KIAA1958: variants seen among roughly 807,000 people sequenced by gnomAD.
The protein encoded by KIAA1958 is KIAA1958.
Under a neutral mutation model 47.2 loss-of-function variants are expected in KIAA1958, and 14 were observed. The observed-to-expected ratio is 0.30, with a 90% CI of 0.20 to 0.46. The LOEUF (loss-of-function observed/expected upper bound fraction) is 0.46, where lower values mean the gene tolerates loss of function less well. Among genes scored for constraint, KIAA1958 ranks in the 20% least tolerant of loss-of-function variants. KIAA1958 has a pLI of 1.00. For missense variants in KIAA1958, 803 were observed against 909.2 expected, an observed-to-expected ratio of 0.88 and a Z score of 1.50; for synonymous variants, 354 against 353.3, an observed-to-expected ratio of 1.00 and a Z score of -0.02.
In KIAA1958 at chr9:112,665,420, C is replaced by T. The variant is rs1837340317; in HGVS notation, c.*5351C>T. ...CCATTTTACTTATTGAGAATCTAGG[C>T]TCAGAGGAGTTAAAATTCTGAAAAT... On this transcript the variant is annotated 3_prime_UTR_variant, in exon 4 of 4. Transcript: ENST00000337530. 6.6e-6 allele frequency: 1 copy of T among 152,146 alleles called. No individual in the cohort carries two copies. The highest frequency in any genetic ancestry group is 2.4e-5 in the African/African-American group (1 of 41,432). The allele number at this position is 152,146 out of a possible 1,614,324, so 9.4% of individuals were successfully genotyped here. A position where few individuals can be genotyped will look rare whatever the true frequency, so the allele number is the denominator to read the frequency against.
chr9:112,528,649 A>G (rs1319420846), intron 1 of KIAA1958, among the ~76,000 whole-genome samples: 1 of 152,080 alleles, frequency 6.6e-6, no homozygotes, highest in East Asian at 1.9e-4. Flanking sequence ...CAGCCTCCCA[A>G]GTAGCTGGGA....
intron 2 of KIAA1958, among the ~76,000 whole-genome samples, chr9:112,577,533 T>C (rs759990437): frequency 1.7e-3 from 214 of 129,202 alleles, no homozygotes; most frequent in East Asian, 0.011. Context: ...CCTGCCCCCC[T>C]TTTTTTTTTT....
intron 2 of KIAA1958, among the ~76,000 whole-genome samples, chr9:112,607,380 T>C (rs947607921): frequency 1.3e-5 from 2 of 150,928 alleles, no homozygotes; most frequent in African/African-American, 4.9e-5. Flanking sequence ...AGATTTCAGA[T>C]GGAAGTGAGA....
At chr9:112,560,730 G>C (rs1240957964) in intron 1 of KIAA1958, among the ~76,000 whole-genome samples, 1 of 152,148 alleles carries the variant, frequency 6.6e-6, no homozygotes, top group South Asian at 2.1e-4. Flanking sequence ...GAAGTGGTTA[G>C]GGTAAGAATT....
At position 112,574,230 on chromosome 9, in the gene KIAA1958, T is replaced by C. The variant is rs1835591478; in HGVS notation, c.150T>C (p.Cys50=). 6.2e-7 allele frequency: 1 copy of C among 1,614,042 alleles called. No homozygotes were observed. Among genetic ancestry groups the C allele is most frequent in the African/African-American group, 1.3e-5 (1 of 74,932 alleles). ...SHGNLTAMWG[C]SAGHAYHWPL... Reference sequence around the variant, plus strand: ...GGAACCTGACAGCAATGTGGGGCTGTAGTGCTGGCCATGCTTATCACTGGC... The same window carrying C: ...GGAACCTGACAGCAATGTGGGGCTGCAGTGCTGGCCATGCTTATCACTGGC... The change falls in exon 2 of 4, where the codon TGT becomes TGC. Residue 50 remains cysteine (C), a synonymous_variant. Transcript: ENST00000337530.
At chr9:112,591,850 A>G (rs1234301260) in intron 2 of KIAA1958, among the ~76,000 whole-genome samples, 2 of 151,960 alleles carry the variant, frequency 1.3e-5, no homozygotes, top group Non-Finnish European at 2.9e-5. Context: ...GCACTCGAAT[A>G]TAAAATTTTC....
intron 2 of KIAA1958, chr9:112,617,931 C>T (rs1303132336): frequency 1.3e-6 from 2 of 1,550,524 alleles, no homozygotes. Context: ...ATCCGGAGCA[C>T]GCAGACCGCG....
At chr9:112,579,570 G>C (rs1325870050) in intron 2 of KIAA1958, among the ~76,000 whole-genome samples, 1 of 151,662 alleles carries the variant, frequency 6.6e-6, no homozygotes, top group African/African-American at 2.4e-5. Flanking sequence ...TCTCTTTCTT[G>C]TTTTCAGTTC....
intron 1 of KIAA1958, among the ~76,000 whole-genome samples, chr9:112,505,919 G>A (rs764455126): frequency 6.6e-6 from 1 of 152,126 alleles, no homozygotes; most frequent in Non-Finnish European, 1.5e-5. Flanking sequence ...CAGTGAGGGG[G>A]GATCAAACAG....
chr9:112,549,786 G>T (rs1835109426), intron 1 of KIAA1958, among the ~76,000 whole-genome samples: 1 of 152,164 alleles, frequency 6.6e-6, no homozygotes, highest in Non-Finnish European at 1.5e-5. Flanking sequence ...GACATTTTTG[G>T]TTGTCACGAC....
At chr9:112,631,851 T>G (rs908160000) in intron 2 of KIAA1958, among the ~76,000 whole-genome samples, 1 of 152,200 alleles carries the variant, frequency 6.6e-6, no homozygotes, top group Admixed American at 6.5e-5. Flanking sequence ...ATTTTTCCAT[T>G]GCACAGATGT....
chr9:112,557,636 C>A (rs1275274117), intron 1 of KIAA1958, among the ~76,000 whole-genome samples: 2 of 152,098 alleles, frequency 1.3e-5, no homozygotes, highest in African/African-American at 4.8e-5. Flanking sequence ...AATGCCAGGA[C>A]CACTGATGAA....
At position 112,660,098 on chromosome 9, in the gene KIAA1958, G is replaced by C. The variant is rs746868032; in HGVS notation, c.*29G>C. ...CCCACTGGGGCCCGGCCACTGCCCT[G>C]TCACCTGCTCGGGCCAGCCAGGGTT... is the stretch of plus-strand genomic sequence containing the variant. On this transcript the variant is annotated 3_prime_UTR_variant, in exon 4 of 4. Coordinates refer to ENST00000337530, the MANE Select transcript of KIAA1958 (RefSeq NM_133465.4). 8 of 1,594,856 alleles carry C rather than the reference G, an allele frequency of 5.0e-6. No homozygotes were observed. The highest frequency in any genetic ancestry group is 6.8e-6 in the Non-Finnish European group (8 of 1,168,840).
chr9:112,571,601 T>C lies in KIAA1958; in HGVS notation c.-24-2456T>C, dbSNP rs2075591072. ...GTGAGGAGTAAGAGAGAATGGACAC[T>C]GGGTAGGCAAAATAGCAGTCTCTGC... On this transcript the variant is annotated intron_variant, in intron 1 of 3. Coordinates refer to ENST00000337530, the MANE Select transcript of KIAA1958 (RefSeq NM_133465.4). Among the ~76,000 whole-genome samples, 3 of 152,084 alleles carry C rather than the reference T, an allele frequency of 2.0e-5. No individual in the cohort carries two copies. In the South Asian group the frequency reaches 6.2e-4, roughly 32 times the overall value.
At chr9:112,645,145 A>G (rs1836955159) in intron 2 of KIAA1958, among the ~76,000 whole-genome samples, 1 of 152,186 alleles carries the variant, frequency 6.6e-6, no homozygotes, top group Admixed American at 6.5e-5. Context: ...CAAAAAAAAA[A>G]AAAAAATGCT....
intron 1 of KIAA1958, among the ~76,000 whole-genome samples, chr9:112,509,453 G>A (rs976235572): frequency 6.6e-6 from 1 of 152,066 alleles, no homozygotes; most frequent in Non-Finnish European, 1.5e-5. Context: ...CACCCTCCTC[G>A]GCCTCCCGCC....
chr9:112,492,074 T>G (rs1000278807), intron 1 of KIAA1958, among the ~76,000 whole-genome samples: 3 of 152,236 alleles, frequency 2.0e-5, no homozygotes, highest in African/African-American at 7.2e-5. Context: ...TGACAATATG[T>G]GTGAATTCTT....
chr9:112,535,231 A>AT (rs1834832439), intron 1 of KIAA1958, among the ~76,000 whole-genome samples: 1 of 151,946 alleles, frequency 6.6e-6, no homozygotes, highest in Non-Finnish European at 1.5e-5. Flanking sequence ...TTTGACCACC[A>AT]TTTTTTCAGT....
At chr9:112,496,776 T>A (rs1295952227) in intron 1 of KIAA1958, among the ~76,000 whole-genome samples, 1 of 152,200 alleles carries the variant, frequency 6.6e-6, no homozygotes, top group African/African-American at 2.4e-5. Flanking sequence ...TTACTGGTTG[T>A]TCTTAGATAC....
Sources: gnomAD v4.1 joint callset for allele counts (sites outside exome capture counted in the v4.1 genomes callset) on GRCh38, gnomAD v4.1.1 for gene constraint, MANE v1.5 for transcripts, NCBI Gene and HGNC (gene_info 2026-07-23, HGNC 2026-07-21) for gene names.